The following ZNF804A variants were observed in gnomAD, a reference collection of about 807,000 sequenced individuals.
ZNF804A encodes the protein zinc finger protein 804A.
ZNF804A carries 2 observed loss-of-function variants against 16.5 expected under a neutral mutation model. That is an observed-to-expected ratio of 0.12 (90% CI 0.05 to 0.38). The LOEUF is 0.38. Among genes scored for constraint, ZNF804A ranks in the 10% least tolerant of loss-of-function variants. The pLI, the probability that ZNF804A is intolerant of heterozygous loss-of-function variation, is 0.99. For synonymous variants in ZNF804A, 534 were observed against 489.6 expected (o/e 1.09, Z -1.20); for missense variants, 1,473 against 1,390.7 (o/e 1.06, Z -0.94).
intron 1 of ZNF804A, among the ~76,000 whole-genome samples, chr2:184,690,105 A>G (rs1273912729): frequency 6.6e-6 from 1 of 151,898 alleles, no homozygotes; most frequent in Non-Finnish European, 1.5e-5. Context: ...ATAAAGTTTC[A>G]TAATCAATAT....
At chr2:184,749,174 A>G (rs1330458706) in intron 1 of ZNF804A, among the ~76,000 whole-genome samples, 1 of 151,380 alleles carries the variant, frequency 6.6e-6, no homozygotes, top group East Asian at 1.9e-4. Context: ...GAGAAGTATG[A>G]CCATTTTAAT....
intron 1 of ZNF804A, among the ~76,000 whole-genome samples, chr2:184,799,129 G>A (rs2105781972): frequency 6.6e-6 from 1 of 152,146 alleles, no homozygotes. Flanking sequence ...TGTCTCCCAG[G>A]TCCTGGAGGA....
At chr2:184,756,768 G>A (rs10190062) in intron 1 of ZNF804A, among the ~76,000 whole-genome samples, 50,870 of 151,812 alleles carry the variant, frequency 0.34, 11,868 homozygotes, top group African/African-American at 0.67. Flanking sequence ...GTGTAACTAT[G>A]TAGATACATG....
chr2:184,671,668 G>A (rs1314963574), intron 1 of ZNF804A, among the ~76,000 whole-genome samples: 1 of 152,124 alleles, frequency 6.6e-6, no homozygotes, highest in Non-Finnish European at 1.5e-5. Context: ...ATTGAATAAA[G>A]TTGAATTATT....
chr2:184,925,214 C>T (rs1395243803), intron 2 of ZNF804A, among the ~76,000 whole-genome samples: 6 of 151,972 alleles, frequency 3.9e-5, no homozygotes, highest in Admixed American at 3.9e-4. Flanking sequence ...CTTGGTGCTT[C>T]AGTGTTGGGT....
intron 2 of ZNF804A, among the ~76,000 whole-genome samples, chr2:184,905,628 A>G (rs773903732): frequency 1.2e-4 from 18 of 152,074 alleles, no homozygotes; most frequent in South Asian, 2.1e-4. Context: ...CAGCTATAAT[A>G]TATGTTTGTT....
intron 2 of ZNF804A, among the ~76,000 whole-genome samples, chr2:184,872,250 G>C (rs759716522): frequency 6.6e-6 from 1 of 152,076 alleles, no homozygotes; most frequent in Non-Finnish European, 1.5e-5. Context: ...ATCAGTCTTT[G>C]TGATGAAATA....
At position 184,850,586 on chromosome 2, in the gene ZNF804A, C is replaced by G. The variant is rs556734575; in HGVS notation, c.112-15783C>G. On this transcript the variant is annotated intron_variant, in intron 1 of 3. Transcript: ENST00000302277. ...AGAATTTAGCAAATGATGTTTTTCTCTTTCTTTCTTTTTTTTTTAACTTTC... is the reference window on the plus strand; with the variant it reads ...AGAATTTAGCAAATGATGTTTTTCTGTTTCTTTCTTTTTTTTTTAACTTTC... 1.1e-3 allele frequency among the ~76,000 whole-genome samples: 163 copies of G among 151,108 alleles called. 3 individuals are homozygous for G. Among genetic ancestry groups the G allele is most frequent in the South Asian group, 1.9e-3 (9 of 4,802 alleles).
intron 3 of ZNF804A, among the ~76,000 whole-genome samples, chr2:184,935,463 T>C (rs139198872): frequency 6.6e-6 from 1 of 152,274 alleles, no homozygotes; most frequent in East Asian, 1.9e-4. Flanking sequence ...AATACAACAC[T>C]TCAAAATATC....
At chr2:184,750,219 CATG>C (rs1042401011) in intron 1 of ZNF804A, among the ~76,000 whole-genome samples, 15 of 151,250 alleles carry the variant, frequency 9.9e-5, no homozygotes. Flanking sequence ...AACATGGATA[CATG>C]ATAATGTCAA....
intron 1 of ZNF804A, among the ~76,000 whole-genome samples, chr2:184,748,314 G>A (rs1034421242): frequency 6.0e-5 from 9 of 149,882 alleles, no homozygotes; most frequent in Admixed American, 5.3e-4. Context: ...TTTAATAATA[G>A]CCATTGTGAC....
intron 1 of ZNF804A, among the ~76,000 whole-genome samples, chr2:184,619,332 G>GT (rs914600460): frequency 6.6e-6 from 1 of 151,682 alleles, no homozygotes; most frequent in Non-Finnish European, 1.5e-5. Context: ...ATTTTTGTGT[G>GT]TTTTTTTAAG....
At chr2:184,865,131 G>C (rs1411617855) in intron 1 of ZNF804A, among the ~76,000 whole-genome samples, 1 of 151,870 alleles carries the variant, frequency 6.6e-6, no homozygotes, top group South Asian at 2.1e-4. Context: ...CCACATGCCT[G>C]GGCCTTCCAA....
At chr2:184,672,933 G>A (rs899499830) in intron 1 of ZNF804A, among the ~76,000 whole-genome samples, 1 of 151,980 alleles carries the variant, frequency 6.6e-6, no homozygotes, top group Non-Finnish European at 1.5e-5. Flanking sequence ...GTAGAGACGG[G>A]GTTTCACCAT....
Position 184,936,580 on chromosome 2 carries a change from G to C in ZNF804A, c.1184G>C (p.Gly395Ala), listed in dbSNP as rs1685791749. The change falls in exon 4 of 4, where the codon GGT becomes GCT. Residue 395 changes from glycine (G) to alanine (A), a missense_variant. Coordinates refer to ENST00000302277, the MANE Select transcript of ZNF804A (RefSeq NM_194250.2). ...ASTTEVENKNGPETLAPSNTE... is the reference protein window; with the variant it reads ...ASTTEVENKNAPETLAPSNTE... ...ACAACTGAGGTTGAAAATAAAAATG[G>C]TCCCGAGACATTGGCCCCTTCAAAT... 6.2e-7 allele frequency: 1 copy of C among 1,613,780 alleles called. No individual in the cohort carries two copies. The highest frequency in any genetic ancestry group is 1.1e-5 in the South Asian group (1 of 91,076).
chr2:184,797,817 G>C (rs531285976), intron 1 of ZNF804A, among the ~76,000 whole-genome samples: 1 of 152,096 alleles, frequency 6.6e-6, no homozygotes, highest in Admixed American at 6.6e-5. Context: ...TGTGATTTAT[G>C]CTTTAAAGAG....
chr2:184,783,162 T>TTTG (rs1694399072), intron 1 of ZNF804A, among the ~76,000 whole-genome samples: 1 of 145,216 alleles, frequency 6.9e-6, no homozygotes, highest in African/African-American at 2.6e-5. Context: ...TTTTTTTTTT[T>TTTG]TAGGTAATAC....
rs201505073 is a variant in ZNF804A, at chr2:184,762,947, T to G, written c.112-103422T>G. On this transcript the variant is annotated intron_variant, in intron 1 of 3. Transcript: ENST00000302277. ...TCCTTAAATTACTATGAAAGAAGTC[T>G]TAAAGCTTTTGGCCTCTTTTAAATC... is the stretch of plus-strand genomic sequence containing the variant. Among the ~76,000 whole-genome samples, 4 of 152,322 alleles carry G rather than the reference T, an allele frequency of 2.6e-5. No homozygotes were observed. In the East Asian group the frequency reaches 7.7e-4, roughly 29 times the overall value.
chr2:184,691,085 G>A (rs910076691), intron 1 of ZNF804A, among the ~76,000 whole-genome samples: 1 of 151,974 alleles, frequency 6.6e-6, no homozygotes, highest in East Asian at 1.9e-4. Flanking sequence ...CACTCCATCT[G>A]TATGGTACTT....
Sources: allele counts gnomAD v4.1 joint callset (sites outside exome capture counted in the v4.1 genomes callset), GRCh38; gene constraint gnomAD v4.1.1; transcripts MANE v1.5; gene names NCBI Gene and HGNC (gene_info 2026-07-23, HGNC 2026-07-21).